Variants in DST observed in about 807,000 individuals in gnomAD.
The protein encoded by DST is dystonin.
DST carries 253 observed loss-of-function variants against 875.2 expected under a neutral mutation model. The observed-to-expected ratio is 0.29, with a 90% CI of 0.26 to 0.32. The LOEUF (loss-of-function observed/expected upper bound fraction) is 0.32. DST is among the 10% of genes least tolerant of loss of function. The pLI is 1.00. For missense variants in DST, 8,287 were observed against 9,111.6 expected (o/e 0.91, Z 3.68); for synonymous variants, 3,124 against 3,197.1 (o/e 0.98, Z 0.77).
intron 17 of DST, among the ~76,000 whole-genome samples, chr6:56,640,882 A>G (rs2098890712): frequency 6.6e-6 from 1 of 152,172 alleles, no homozygotes; most frequent in African/African-American, 2.4e-5. Context: ...TTGAAATCAC[A>G]TTGCTAAAAT....
chr6:56,867,597 G>A (rs189761194), intron 3 of DST, among the ~76,000 whole-genome samples: 100 of 152,264 alleles, frequency 6.6e-4, no homozygotes, highest in Non-Finnish European at 9.6e-4. Context: ...CAAGGTGGGC[G>A]GATCACGAGG....
rs139905357 is a variant in DST, at chr6:56,954,455, C to T, written c.133G>A (p.Gly45Arg). Residue 45 changes from glycine (G) to arginine (R), a missense_variant, in exon 1 of 104, where the codon GGG (glycine) becomes AGG (arginine). Gly to Arg is a moderately radical substitution (Grantham distance 125). This residue lies in a region of DST where 1,160 missense variants were observed against 1,424.3 expected (regional missense o/e 0.81). Coordinates refer to ENST00000680361, the MANE Select transcript of DST (RefSeq NM_001374736.1). The stretch of plus-strand genomic sequence containing the variant: ...AAGACCGATTTCATCGGATGCCTCC[C>T]TTTCTGGAGCTTGCGGTGCCAGCAG... Reference protein sequence around the residue: ...FCCWHRKLQKGRHPMKSVFSG... With the variant: ...FCCWHRKLQKRRHPMKSVFSG... The T allele has an allele frequency of 1.5e-4, 201 of 1,367,574 alleles. 1 individual carries two copies. In the Middle Eastern group the frequency reaches 2.3e-3, roughly 16 times the overall value. The allele number at this position is 1,367,574 out of a possible 1,614,324, so 84.7% of individuals were successfully genotyped here.
chr6:56,701,235 T>C (rs959995845), intron 8 of DST, among the ~76,000 whole-genome samples: 2 of 152,098 alleles, frequency 1.3e-5, no homozygotes, highest in African/African-American at 4.8e-5. Context: ...CTGCATTTTT[T>C]TGTACTAATT....
rs746922445 is a variant in DST at position 56,527,587 on chromosome 6, C to T, written c.17828G>A (p.Cys5943Tyr). Residue 5943 changes from cysteine (C) to tyrosine (Y), a missense_variant, in exon 68 of 104, where the codon TGT becomes TAT. Physicochemically the swap from Cys to Tyr is radical, Grantham distance 194 (BLOSUM62 -2). Coordinates refer to ENST00000680361, the MANE Select transcript of DST (RefSeq NM_001374736.1). ...RRLHSTHEEL[C>Y]TWLDKVEVEL... is the part of the protein sequence containing the mutation. ...CACCTCCACTTTGTCCAGCCAGGTA[C>T]ACAGCTCTTCGTGTGTGGAGTGCAG... The T allele has an allele frequency of 7.4e-6, 12 of 1,613,750 alleles. No individual in the cohort carries two copies. The highest frequency in any genetic ancestry group is 1.6e-4 in the Middle Eastern group (1 of 6,084).
chr6:56,861,167 G>A (rs141821233), intron 3 of DST, among the ~76,000 whole-genome samples: 249 of 152,218 alleles, frequency 1.6e-3, no homozygotes, highest in African/African-American at 5.4e-3. Context: ...ACTACAAACA[G>A]TAGACACTTA....
chr6:56,826,081 C>A (rs924696602), intron 4 of DST, among the ~76,000 whole-genome samples: 5 of 152,210 alleles, frequency 3.3e-5, no homozygotes, highest in Non-Finnish European at 7.3e-5. Flanking sequence ...CAATATTACA[C>A]ATGTCTGAAT....
rs1387074962 is a variant in DST, at chr6:56,631,951, T to C, written c.3895A>G (p.Arg1299Gly). 6.2e-7 allele frequency: 1 copy of C among 1,613,912 alleles called. No homozygotes were observed. Among genetic ancestry groups the C allele is most frequent in the Non-Finnish European group, 8.5e-7 (1 of 1,179,796 alleles). The change falls in exon 29 of 104, where the codon AGA becomes GGA. Residue 1299 changes from arginine to glycine, a missense_variant. Arg to Gly is a moderately radical substitution (Grantham distance 125, BLOSUM62 -2). Coordinates refer to ENST00000680361, the MANE Select transcript of DST (RefSeq NM_001374736.1). ...CTTTCCAGGGGAGTTCGAATCTGTC[T>C]AATCAGCCGATCTTCACAGTTCTCT... ...RLENCEDRLI[R>G]QIRTPLERDD...
chr6:56,913,632 C>T (rs1411159723), intron 2 of DST, among the ~76,000 whole-genome samples: 1 of 152,232 alleles, frequency 6.6e-6, no homozygotes, highest in Non-Finnish European at 1.5e-5. Flanking sequence ...AACCCCTGCT[C>T]TATAGCACCC....
At chr6:56,459,946 C>T (rs954191126) in intron 103 of DST, among the ~76,000 whole-genome samples, 185 bp downstream of exon 103, 3 of 152,168 alleles carry the variant, frequency 2.0e-5, no homozygotes, top group African/African-American at 7.2e-5. Context: ...TTCTTGGACA[C>T]TTTTAGACAC....
At chr6:56,728,889 T>A (rs1331511589) in intron 5 of DST, among the ~76,000 whole-genome samples, 1 of 151,626 alleles carries the variant, frequency 6.6e-6, no homozygotes, top group African/African-American at 2.4e-5. Flanking sequence ...ATAACCCTAT[T>A]CTTAGGAAAT....
chr6:56,601,537 T>C lies in DST; in HGVS notation c.11447A>G (p.Gln3816Arg). ...CTCCTGTACATCAAGAAAACACTTC[T>C]GAGTTGTATTTAAGAGCCTCAGCAG... ...KQLLRLLNTTQKCFLDVQESV... is the reference protein window; with the variant it reads ...KQLLRLLNTTRKCFLDVQESV... The change falls in exon 44 of 104, where the codon CAG (glutamine) becomes CGG (arginine). Residue 3816 changes from glutamine (Q) to arginine (R), a missense_variant. Coordinates refer to ENST00000680361, the MANE Select transcript of DST (RefSeq NM_001374736.1). 1 of 1,605,716 alleles carries C rather than the reference T, an allele frequency of 6.2e-7. No homozygotes were observed. Among genetic ancestry groups the C allele is most frequent in the Non-Finnish European group, 8.5e-7 (1 of 1,176,162 alleles).
At chr6:56,808,182 C>T (rs1048370735) in intron 4 of DST, among the ~76,000 whole-genome samples, 1 of 152,060 alleles carries the variant, frequency 6.6e-6, no homozygotes, top group East Asian at 1.9e-4. Flanking sequence ...TGACTTCTGG[C>T]CCACCTACCC....
intron 4 of DST, among the ~76,000 whole-genome samples, chr6:56,795,781 G>C (rs1055748400): frequency 1.3e-5 from 2 of 152,070 alleles, no homozygotes; most frequent in African/African-American, 4.8e-5. Context: ...TTGAGATTTT[G>C]TAATAGCAAT....
chr6:56,618,840 T>C (rs2098656661), intron 36 of DST: 1 of 1,614,200 alleles, frequency 6.2e-7, no homozygotes, highest in Non-Finnish European at 8.5e-7. Flanking sequence ...CTGTGGGTCA[T>C]CTGCTCCTCT....
intron 36 of DST, among the ~76,000 whole-genome samples, chr6:56,623,293 T>A (rs1471371242): frequency 6.6e-6 from 1 of 152,226 alleles, no homozygotes; most frequent in Non-Finnish European, 1.5e-5. Context: ...ACTTAAGTTA[T>A]TTTATTTTAT....
chr6:56,515,156 C>T (rs1248401151), intron 72 of DST, among the ~76,000 whole-genome samples: 2 of 152,126 alleles, frequency 1.3e-5, no homozygotes, highest in Non-Finnish European at 2.9e-5. Context: ...ACTTCAAAAG[C>T]TTAATCCTAT....
rs1210781687 is a variant in DST at position 56,552,637 on chromosome 6, C to G, written c.16155G>C (p.Gly5385=). 8 of 1,613,912 alleles carry G rather than the reference C, an allele frequency of 5.0e-6. No individual in the cohort carries two copies. Among genetic ancestry groups the G allele is most frequent in the Non-Finnish European group, 6.8e-6 (8 of 1,179,876 alleles). The stretch of plus-strand genomic sequence containing the variant: ...TTTCTCGAATGGTATTCTGGAAATG[C>G]CCAATGCCCTGAAGCTTGGTTTCTA... ...SFLETKLQGI[G]HFQNTIREMF... is the part of the protein sequence containing the mutation. Residue 5385 remains glycine (G), a synonymous_variant, in exon 61 of 104, where the codon GGG becomes GGC. Transcript: ENST00000680361.
At chr6:56,671,324 T>C (rs1330787763) in intron 9 of DST, among the ~76,000 whole-genome samples, 1 of 152,166 alleles carries the variant, frequency 6.6e-6, no homozygotes, top group African/African-American at 2.4e-5. Context: ...GTAAAACCTA[T>C]AAATTACTCT....
chr6:56,530,986 TGAA>T (rs1310005895), intron 64 of DST, among the ~76,000 whole-genome samples: 4 of 152,172 alleles, frequency 2.6e-5, no homozygotes, highest in East Asian at 1.9e-4. Flanking sequence ...TAGCTTTCTA[TGAA>T]GAAGAAGGGA....
Sources: gnomAD v4.1 joint callset for allele counts (sites outside exome capture counted in the v4.1 genomes callset) on GRCh38, gnomAD v4.1.1 for gene constraint, gnomAD v4.1.1 regional missense constraint, MANE v1.5 for transcripts, NCBI Gene and HGNC (gene_info 2026-07-23, HGNC 2026-07-21) for gene names.